Variants in SPAG16 observed in about 807,000 individuals in gnomAD.
SPAG16 encodes the protein sperm associated antigen 16.
Under a neutral mutation model 80.4 loss-of-function variants are expected in SPAG16, and 86 were observed. That is an observed-to-expected ratio of 1.07 (90% confidence interval 0.90 to 1.28). The LOEUF is 1.28. Ranked by LOEUF, SPAG16 falls within the 50% of genes most tolerant of loss-of-function variation. SPAG16 has a pLI of 0.00. For missense variants in SPAG16, 870 were observed against 765.3 expected (o/e 1.14, Z -1.61); for synonymous variants, 294 against 265.9 (o/e 1.11, Z -1.03).
intron 9 of SPAG16, chr2:213,422,292 A>G (rs2069646485): frequency 1.0e-5 from 7 of 702,102 alleles, no homozygotes; most frequent in Non-Finnish European, 1.8e-5. Context: ...TTGGGTGCCC[A>G]CAGCAGAAGT....
intron 13 of SPAG16, among the ~76,000 whole-genome samples, chr2:214,075,511 A>G (rs533876543): frequency 6.6e-6 from 1 of 152,302 alleles, no homozygotes; most frequent in Non-Finnish European, 1.5e-5. Flanking sequence ...TTTTCACTTG[A>G]CATAAACTCA....
intron 15 of SPAG16, among the ~76,000 whole-genome samples, chr2:214,269,534 A>T (rs1407559824): frequency 6.6e-6 from 1 of 152,104 alleles, no homozygotes. Context: ...TTTCTGAAGC[A>T]TGAGTTTTTT....
intron 15 of SPAG16, among the ~76,000 whole-genome samples, chr2:214,382,834 A>G (rs1700526741): frequency 6.6e-6 from 1 of 152,186 alleles, no homozygotes; most frequent in African/African-American, 2.4e-5. Flanking sequence ...CATGGAGTAG[A>G]AGGAGCTTCA....
chr2:213,436,942 C>T (rs779156206), intron 9 of SPAG16, among the ~76,000 whole-genome samples: 14 of 151,298 alleles, frequency 9.3e-5, no homozygotes, highest in Non-Finnish European at 1.6e-4. Flanking sequence ...GATGGAGTCT[C>T]GCTCTGTCAC....
intron 10 of SPAG16, among the ~76,000 whole-genome samples, chr2:213,548,156 T>A (rs541217970): frequency 6.6e-6 from 1 of 152,200 alleles, no homozygotes; most frequent in African/African-American, 2.4e-5. Context: ...TATTGTATCA[T>A]TTTTACATTT....
intron 9 of SPAG16, among the ~76,000 whole-genome samples, chr2:213,418,542 T>C (rs1455447876): frequency 1.3e-5 from 2 of 152,224 alleles, no homozygotes; most frequent in Non-Finnish European, 2.9e-5. Context: ...TTTCATGACT[T>C]CCTATTTTTC....
At chr2:213,560,859 A>G (rs1222066258) in intron 10 of SPAG16, among the ~76,000 whole-genome samples, 1 of 152,168 alleles carries the variant, frequency 6.6e-6, no homozygotes, top group Non-Finnish European at 1.5e-5. Flanking sequence ...CGAAGTTAGC[A>G]ACCATTAACT....
At chr2:213,966,779 T>G (rs2044731960) in intron 12 of SPAG16, among the ~76,000 whole-genome samples, 1 of 152,218 alleles carries the variant, frequency 6.6e-6, no homozygotes, top group African/African-American at 2.4e-5. Flanking sequence ...TGATCATTTT[T>G]TCCACAGTCT....
At chr2:214,030,683 C>T (rs1027656448) in intron 13 of SPAG16, among the ~76,000 whole-genome samples, 1 of 152,186 alleles carries the variant, frequency 6.6e-6, no homozygotes, top group African/African-American at 2.4e-5. Flanking sequence ...GATGAACTTA[C>T]AGCAGATTTG....
chr2:213,808,327 A>G (rs2071898930), intron 10 of SPAG16, among the ~76,000 whole-genome samples: 1 of 152,136 alleles, frequency 6.6e-6, no homozygotes, highest in Admixed American at 6.5e-5. Flanking sequence ...GGCAGAAACT[A>G]AAAAACGAAA....
chr2:214,204,587 T>C lies in SPAG16; in HGVS notation c.1720+55321T>C, dbSNP rs144813314. Among the ~76,000 whole-genome samples the C allele has an allele frequency of 2.8e-3, 423 of 152,244 alleles. 1 individual carries two copies. The highest frequency in any genetic ancestry group is 9.6e-3 in the African/African-American group (400 of 41,548). The stretch of plus-strand genomic sequence containing the variant: ...GATCCAGAAGATAAATAACAATCAC[T>C]GCAGTTTGGCTCTCAGAAAGCCCCA... On this transcript the variant is annotated intron_variant, in intron 15 of 15. Transcript: ENST00000331683.
intron 12 of SPAG16, among the ~76,000 whole-genome samples, chr2:213,962,856 A>T (rs907478490): frequency 7.9e-5 from 12 of 152,174 alleles, no homozygotes; most frequent in African/African-American, 2.4e-4. Flanking sequence ...TTTTAAAAAA[A>T]TTTCTGTAAG....
At chr2:213,926,211 A>T (rs964274506) in intron 11 of SPAG16, among the ~76,000 whole-genome samples, 2 of 151,982 alleles carry the variant, frequency 1.3e-5, no homozygotes, top group Non-Finnish European at 2.9e-5. Flanking sequence ...AGTTGGGATA[A>T]TTTTTTCAAA....
At chr2:213,343,915 A>G (rs73987998) in intron 6 of SPAG16, among the ~76,000 whole-genome samples, 2,152 of 152,204 alleles carry the variant, frequency 0.014, 45 homozygotes, top group African/African-American at 0.048. Context: ...TTTGAAATCC[A>G]AGAAGAGGCT....
At chr2:214,118,001 G>C (rs1212749848) in intron 14 of SPAG16, among the ~76,000 whole-genome samples, 1 of 152,140 alleles carries the variant, frequency 6.6e-6, no homozygotes, top group Non-Finnish European at 1.5e-5. Flanking sequence ...GTCCTAGCCA[G>C]AGCAATTAGG....
intron 13 of SPAG16, among the ~76,000 whole-genome samples, chr2:214,041,870 A>T (rs533795320): frequency 2.0e-5 from 3 of 149,610 alleles, no homozygotes; most frequent in African/African-American, 7.3e-5. Flanking sequence ...ATTTAATCCA[A>T]TTTAAATATG....
At chr2:214,314,584 T>C (rs1479803018) in intron 15 of SPAG16, among the ~76,000 whole-genome samples, 1 of 152,186 alleles carries the variant, frequency 6.6e-6, no homozygotes, top group African/African-American at 2.4e-5. Flanking sequence ...TCTTCTCAAA[T>C]ACCTTGTTGA....
intron 10 of SPAG16, among the ~76,000 whole-genome samples, chr2:213,706,318 C>G (rs1361820481): frequency 6.6e-6 from 1 of 152,212 alleles, no homozygotes; most frequent in Non-Finnish European, 1.5e-5. Context: ...GTGAATAAAA[C>G]TTCTACTAGC....
At chr2:213,920,516 G>T (rs1468445224) in intron 11 of SPAG16, among the ~76,000 whole-genome samples, 1 of 152,202 alleles carries the variant, frequency 6.6e-6, no homozygotes, top group Non-Finnish European at 1.5e-5. Flanking sequence ...AGTGGGGGTA[G>T]GGAATAGGCA....
Sources: gnomAD v4.1 joint callset for allele counts (sites outside exome capture counted in the v4.1 genomes callset) on GRCh38, gnomAD v4.1.1 for gene constraint, MANE v1.5 for transcripts, NCBI Gene and HGNC (gene_info 2026-07-23, HGNC 2026-07-21) for gene names.